Variants in CXorf58 observed in about 807,000 individuals in gnomAD.
CXorf58 encodes the protein uncharacterized protein CXorf58.
In CXorf58, 24 loss-of-function variants were observed where a neutral mutation model predicts 26.0. That is an observed-to-expected ratio of 0.92 (90% CI 0.67 to 1.30). The LOEUF (loss-of-function observed/expected upper bound fraction) is 1.30, where lower values mean the gene tolerates loss of function less well. Among genes scored for constraint, CXorf58 ranks in the 50% most tolerant of loss-of-function variants. CXorf58 has a pLI of 0.00. For missense variants in CXorf58, 236 were observed against 263.9 expected, an observed-to-expected ratio of 0.89 and a Z score of 0.73; for synonymous variants, 87 against 86.1, an observed-to-expected ratio of 1.01 and a Z score of -0.06.
chrX:23,933,516 G>T (rs1057353839), intron 6 of CXorf58, among the ~76,000 whole-genome samples: 2 of 111,625 alleles, frequency 1.8e-5, no homozygotes, highest in African/African-American at 6.5e-5. Flanking sequence ...TACTAGAGAT[G>T]AACTCATATT....
chrX:23,916,401 A>G (rs1927723285), intron 5 of CXorf58, 73 bp downstream of exon 5: 2 of 619,123 alleles, frequency 3.2e-6, no homozygotes, highest in Admixed American at 3.2e-5. Context: ...ATTGCATTCA[A>G]ATTATACAGA....
intron 5 of CXorf58, 95 bp downstream of exon 5, chrX:23,916,423 C>A: frequency 2.1e-6 from 1 of 466,011 alleles, no homozygotes; most frequent in Middle Eastern, 6.5e-4. Flanking sequence ...TAAGTTATTT[C>A]ACCATGAAAC....
At chrX:23,936,094 A>G (rs953467918) in intron 7 of CXorf58, among the ~76,000 whole-genome samples, 1 of 110,434 alleles carries the variant, frequency 9.1e-6, no homozygotes, top group Non-Finnish European at 1.9e-5. Context: ...TTAAGTGGAC[A>G]TGAGAGGCAG....
At chrX:23,914,657 G>A (rs1024483982) in intron 3 of CXorf58, among the ~76,000 whole-genome samples, 4 of 110,910 alleles carry the variant, frequency 3.6e-5, no homozygotes, top group African/African-American at 1.3e-4. Context: ...AGGCTGAGGC[G>A]GGTGGATCAC....
chrX:23,916,567 A>G, intron 5 of CXorf58: 1 of 228,960 alleles, frequency 4.4e-6, no homozygotes, highest in East Asian at 1.3e-4. Context: ...ATATCCATCC[A>G]TTTTTATGTA....
At position 23,915,745 on chromosome X, in the gene CXorf58, G is replaced by A. The variant is rs778358348; in HGVS notation, c.262G>A (p.Glu88Lys). Residue 88 changes from glutamate to lysine, a missense_variant, in exon 4 of 9, where the codon GAG (glutamate) becomes AAG (lysine). Glu to Lys is a moderately conservative substitution (Grantham distance 56, BLOSUM62 1). Transcript: ENST00000379211. ...AATACTGAAGAAAGTGGCCCCCTTA[G>A]AGGCTAAGCTTATTAAGGATCCTAC... The part of the protein sequence containing the change: ...HEILKKVAPL[E>K]AKLIKDPTMQ... 53 of 1,193,998 alleles carry A rather than the reference G, an allele frequency of 4.4e-5. 1 individual carries two copies. The Middle Eastern group carries it at 3.5e-3, about 78-fold the overall frequency.
In CXorf58 at chrX:23,910,418, C is replaced by T. The variant is rs78304044; in HGVS notation, c.116C>T (p.Ser39Leu). The T allele has an allele frequency of 5.0e-4, 521 of 1,042,199 alleles. 3 individuals carry two copies. In the East Asian group the frequency reaches 0.012, roughly 25 times the overall value. The allele number at this position is 1,042,199 out of a possible 1,213,427, so 85.9% of individuals were successfully genotyped here. A position where few individuals can be genotyped will look rare whatever the true frequency, so the allele number is the denominator to read the frequency against. The part of the protein sequence containing the change: ...ANARNARSLL[S>L]MLKDISAQII... ...GCACGAAATGCAAGATCATTACTAT[C>T]GTAAGTACCTGTGTTTTGCCTTGTG... is the stretch of plus-strand genomic sequence containing the variant. Residue 39 changes from serine (S) to leucine (L), a missense_variant and splice_region_variant, in exon 2 of 9, where the codon TCA becomes TTA. By Grantham distance (145) the Ser-to-Leu change is moderately radical. Transcript: ENST00000379211.
chrX:23,924,582 C>A (rs1927955906), intron 5 of CXorf58, among the ~76,000 whole-genome samples: 2 of 107,331 alleles, frequency 1.9e-5, no homozygotes, highest in Admixed American at 1.0e-4. Flanking sequence ...TTTGGCCTCC[C>A]AGAGTGCTGG....
intron 5 of CXorf58, among the ~76,000 whole-genome samples, chrX:23,917,966 G>A (rs1927774281): frequency 9.0e-6 from 1 of 111,107 alleles, no homozygotes; most frequent in Non-Finnish European, 1.9e-5. Context: ...TCAACCTCCC[G>A]AGTAGCTGGG....
Position 23,926,998 on chromosome X carries a change from G to C in CXorf58, c.424-241G>C, listed in dbSNP as rs776636073. Among the ~76,000 whole-genome samples, 3 of 110,482 alleles carry C rather than the reference G, an allele frequency of 2.7e-5. No individual in the cohort carries two copies. The South Asian group carries it at 1.1e-3, about 42-fold the overall frequency. The stretch of plus-strand genomic sequence containing the variant: ...GGCGCCACTGTTCTCCAGCCTAGGT[G>C]ACAGAGCAAGACTCCGTTTCAAAAA... On this transcript the variant is annotated intron_variant, in intron 5 of 8. Coordinates refer to ENST00000379211, the MANE Select transcript of CXorf58 (RefSeq NM_152761.3).
intron 5 of CXorf58, among the ~76,000 whole-genome samples, chrX:23,921,519 G>A (rs1927867853): frequency 8.9e-6 from 1 of 111,829 alleles, no homozygotes; most frequent in Non-Finnish European, 1.9e-5. Flanking sequence ...AACAGTTTAA[G>A]GTTCCTTTTT....
chrX:23,912,535 G>A (rs1453723961), intron 3 of CXorf58, among the ~76,000 whole-genome samples: 1 of 111,113 alleles, frequency 9.0e-6, no homozygotes, highest in African/African-American at 3.3e-5. Context: ...GGGAGGGCCA[G>A]GAGTTCGAGA....
chrX:23,925,786 CTTTTT>C (rs11296283), intron 5 of CXorf58, among the ~76,000 whole-genome samples: 825 of 71,743 alleles, frequency 0.011, 5 homozygotes, highest in Middle Eastern at 0.016. Context: ...CTTTTCTTTT[CTTTTT>C]TTTTTTTTTT....
chrX:23,925,451 A>G (rs1927980512), intron 5 of CXorf58, among the ~76,000 whole-genome samples: 1 of 105,562 alleles, frequency 9.5e-6, no homozygotes, highest in Admixed American at 1.0e-4. Flanking sequence ...AGGTTCAAGC[A>G]TTTCTCCTGC....
At chrX:23,923,180 G>A (rs958317290) in intron 5 of CXorf58, among the ~76,000 whole-genome samples, 13 of 111,976 alleles carry the variant, frequency 1.2e-4, no homozygotes, top group Non-Finnish European at 2.4e-4. Flanking sequence ...CCATTGGACA[G>A]CAAACATTTC....
chrX:23,911,323 C>T (rs1927572764), intron 2 of CXorf58, among the ~76,000 whole-genome samples: 1 of 111,282 alleles, frequency 9.0e-6, no homozygotes, highest in Admixed American at 9.6e-5. Context: ...TCATCCACCC[C>T]CAGAAGAGAA....
In CXorf58 at chrX:23,935,398, A is replaced by T. The variant is rs755097364; in HGVS notation, c.758A>T (p.His253Leu). 5 of 1,200,861 alleles carry T rather than the reference A, an allele frequency of 4.2e-6. No homozygotes were observed. In the South Asian group the frequency reaches 8.8e-5, roughly 21 times the overall value. Reference protein sequence around the residue: ...QRPVTQEIHKHQLRIVSEIRG... With the variant: ...QRPVTQEIHKLQLRIVSEIRG... ...CCAGTAACGCAAGAGATCCATAAGC[A>T]CCAGCTACGGATTGTTTCTGAAATT... is the stretch of plus-strand genomic sequence containing the variant. Residue 253 changes from histidine to leucine, a missense_variant, in exon 7 of 9, where the codon CAC becomes CTC. His to Leu is a moderately conservative substitution (Grantham distance 99, BLOSUM62 -3). Transcript: ENST00000379211.
chrX:23,918,048 T>C (rs1223381193), intron 5 of CXorf58, among the ~76,000 whole-genome samples: 2 of 111,530 alleles, frequency 1.8e-5, no homozygotes, highest in Non-Finnish European at 3.8e-5. Context: ...TTCACCATGT[T>C]AGCCAGGATG....
intron 7 of CXorf58, 38 bp from the exon 8 acceptor site, chrX:23,938,509 T>G (rs1198436503): frequency 9.7e-7 from 1 of 1,031,067 alleles, no homozygotes; most frequent in African/African-American, 1.9e-5. Flanking sequence ...TATTTTATTC[T>G]GTGTGATTTT....
Sources: allele counts gnomAD v4.1 joint callset (sites outside exome capture counted in the v4.1 genomes callset), GRCh38; gene constraint gnomAD v4.1.1; transcripts MANE v1.5; gene names NCBI Gene and HGNC (gene_info 2026-07-23, HGNC 2026-07-21).